HDAC9: variants seen among roughly 807,000 people sequenced by gnomAD.
HDAC9 encodes histone deacetylase 9.
HDAC9 carries 41 observed loss-of-function variants against 139.4 expected under a neutral mutation model. The ratio of observed to expected loss-of-function variants is 0.29; its 90% CI spans 0.23 to 0.38. HDAC9 has a LOEUF of 0.38. HDAC9 is among the 10% of genes least tolerant of loss of function. The pLI, the probability that HDAC9 is intolerant of heterozygous loss-of-function variation, is 1.00. For missense variants in HDAC9, 1,147 were observed against 1,297.0 expected (o/e 0.88, Z 1.78); for synonymous variants, 517 against 476.2 (o/e 1.09, Z -1.12).
At chr7:18,167,261 A>G (rs932039592) in intron 2 of HDAC9, among the ~76,000 whole-genome samples, 3 of 152,082 alleles carry the variant, frequency 2.0e-5, no homozygotes, top group African/African-American at 7.2e-5. Flanking sequence ...TTGTAAGTCA[A>G]AACTTCTCAA....
chr7:18,780,074 G>A (rs1239452230), intron 16 of HDAC9, among the ~76,000 whole-genome samples: 1 of 151,950 alleles, frequency 6.6e-6, no homozygotes, highest in Non-Finnish European at 1.5e-5. Flanking sequence ...GACCAAATGC[G>A]AGCTGAGATT....
At chr7:18,734,155 T>G (rs1786661351) in intron 13 of HDAC9, among the ~76,000 whole-genome samples, 1 of 152,206 alleles carries the variant, frequency 6.6e-6, no homozygotes, top group Non-Finnish European at 1.5e-5. Flanking sequence ...TTCCTGTCTC[T>G]GAGTCACATT....
intron 12 of HDAC9, among the ~76,000 whole-genome samples, chr7:18,682,274 A>T (rs1781941055): frequency 6.6e-6 from 1 of 152,018 alleles, no homozygotes; most frequent in Non-Finnish European, 1.5e-5. Context: ...TTCTCTTCTA[A>T]TGCTTTCTGT....
chr7:18,534,557 T>C (rs62446984), intron 2 of HDAC9, among the ~76,000 whole-genome samples: 1 of 151,980 alleles, frequency 6.6e-6, no homozygotes, highest in Non-Finnish European at 1.5e-5. Flanking sequence ...AAAAAAAATT[T>C]AGAGAGAGAG....
intron 1 of HDAC9, among the ~76,000 whole-genome samples, chr7:18,298,127 G>T (rs1180459440): frequency 1.3e-5 from 2 of 152,076 alleles, no homozygotes; most frequent in Non-Finnish European, 1.5e-5. Flanking sequence ...GGGTTTCACT[G>T]CCTGAACCTA....
At chr7:18,441,925 G>A (rs1229740156) in intron 1 of HDAC9, among the ~76,000 whole-genome samples, 2 of 152,044 alleles carry the variant, frequency 1.3e-5, no homozygotes, top group African/African-American at 4.8e-5. Flanking sequence ...CCGCTACCAC[G>A]CCCGGCTAAC....
At chr7:18,488,738 C>T (rs1348311807) in intron 1 of HDAC9, among the ~76,000 whole-genome samples, 2 of 151,918 alleles carry the variant, frequency 1.3e-5, no homozygotes, top group Non-Finnish European at 2.9e-5. Context: ...TTTCTTAGTG[C>T]TGATATCTGC....
chr7:18,283,048 A>G (rs1797205844), intron 2 of HDAC9, among the ~76,000 whole-genome samples: 1 of 151,690 alleles, frequency 6.6e-6, no homozygotes, highest in Non-Finnish European at 1.5e-5. Context: ...GGGGCATAGT[A>G]ATAATATAAG....
At chr7:18,403,768 T>G (rs1787759367) in intron 1 of HDAC9, among the ~76,000 whole-genome samples, 1 of 152,160 alleles carries the variant, frequency 6.6e-6, no homozygotes, top group Non-Finnish European at 1.5e-5. Context: ...GCTTTATAGA[T>G]CAAGACATAT....
At chr7:18,821,954 G>A (rs1017179494) in intron 17 of HDAC9, among the ~76,000 whole-genome samples, 11 of 152,226 alleles carry the variant, frequency 7.2e-5, no homozygotes, top group African/African-American at 2.4e-4. Flanking sequence ...CCAGATGGAA[G>A]AGATGCATGG....
chr7:18,696,268 A>T (rs1435566753), intron 12 of HDAC9, among the ~76,000 whole-genome samples: 1 of 150,946 alleles, frequency 6.6e-6, no homozygotes, highest in South Asian at 2.1e-4. Flanking sequence ...AATTATCTTA[A>T]ATGTTGTCAC....
At chr7:18,132,675 T>A (rs1322765038) in intron 1 of HDAC9, among the ~76,000 whole-genome samples, 4 of 152,192 alleles carry the variant, frequency 2.6e-5, no homozygotes, top group Non-Finnish European at 5.9e-5. Context: ...GCATGTTCCT[T>A]CAACTAAGTT....
chr7:18,991,312 A>G (rs903023506), intron 25 of HDAC9, among the ~76,000 whole-genome samples: 2 of 152,256 alleles, frequency 1.3e-5, no homozygotes, highest in Admixed American at 6.5e-5. Flanking sequence ...TGAATTAGTT[A>G]TATATAAAAT....
intron 17 of HDAC9, among the ~76,000 whole-genome samples, chr7:18,800,992 A>G (rs943259282): frequency 2.6e-5 from 4 of 152,158 alleles, no homozygotes; most frequent in Admixed American, 1.3e-4. Context: ...ATTGTACATC[A>G]TTATTATTGC....
chr7:18,897,548 C>T (rs1167926824), intron 22 of HDAC9, among the ~76,000 whole-genome samples: 1 of 151,838 alleles, frequency 6.6e-6, no homozygotes. Context: ...CCTTTTTCTG[C>T]AGAATATCTA....
At chr7:18,713,918 T>G (rs562015463) in intron 12 of HDAC9, among the ~76,000 whole-genome samples, 1 of 152,178 alleles carries the variant, frequency 6.6e-6, no homozygotes, top group Non-Finnish European at 1.5e-5. Flanking sequence ...TTTTAAAAAA[T>G]AAGTCGTTGA....
rs973377858 is a variant in HDAC9 at position 18,734,362 on chromosome 7, A to G, written c.1909+6605A>G. The stretch of plus-strand genomic sequence containing the variant: ...ATCATTTACATTAGGTATTTCTCCT[A>G]ATGCTACCCCTCCCCCAGCCCTCCA... On this transcript the variant is annotated intron_variant, in intron 13 of 25. Transcript: ENST00000686413. Among the ~76,000 whole-genome samples, 6 of 152,196 alleles carry G rather than the reference A, an allele frequency of 3.9e-5. No individual in the cohort carries two copies. In the South Asian group the frequency reaches 1.2e-3, roughly 32 times the overall value.
At chr7:18,745,381 C>T (rs898691414) in intron 13 of HDAC9, among the ~76,000 whole-genome samples, 1 of 152,050 alleles carries the variant, frequency 6.6e-6, no homozygotes, top group African/African-American at 2.4e-5. Flanking sequence ...TCCCAGCTAC[C>T]ATTACCTGTT....
chr7:18,860,009 C>A (rs1488116649), intron 21 of HDAC9, among the ~76,000 whole-genome samples: 1 of 150,968 alleles, frequency 6.6e-6, no homozygotes, highest in Non-Finnish European at 1.5e-5. Flanking sequence ...TGAAACTTTG[C>A]AAAAAGAATA....
Sources: allele counts gnomAD v4.1 joint callset (sites outside exome capture counted in the v4.1 genomes callset), GRCh38; gene constraint gnomAD v4.1.1; transcripts MANE v1.5; gene names NCBI Gene and HGNC (gene_info 2026-07-23, HGNC 2026-07-21).